The following PRUNE2 variants were observed in gnomAD, a reference collection of about 807,000 sequenced individuals.
The protein encoded by PRUNE2 is prune homolog 2 with BCH domain.
PRUNE2 carries 164 observed loss-of-function variants against 252.0 expected under a neutral mutation model. That is an observed-to-expected ratio of 0.65 (90% CI 0.57 to 0.74). PRUNE2 has a LOEUF of 0.74. PRUNE2 is among the 30% of genes least tolerant of loss of function. The pLI, the probability that PRUNE2 is intolerant of heterozygous loss-of-function variation, is 0.00. For missense variants in PRUNE2, 3,495 were observed against 3,711.0 expected (o/e 0.94, Z 1.51); for synonymous variants, 1,292 against 1,350.2 (o/e 0.96, Z 0.94).
At chr9:76,686,100 C>CCTCTTGGGGA (rs1177567855) in intron 9 of PRUNE2, among the ~76,000 whole-genome samples, 1 of 152,214 alleles carries the variant, frequency 6.6e-6, no homozygotes, top group Non-Finnish European at 1.5e-5. Context: ...GCTCTGCCAA[C>CCTCTTGGGGA]CTCTTGGGGA....
At position 76,645,032 on chromosome 9, in the gene PRUNE2, T is replaced by G. The variant is rs1844220357; in HGVS notation, c.8558-123A>C. 3 of 831,502 alleles carry G rather than the reference T, an allele frequency of 3.6e-6. No homozygotes were observed. The South Asian group carries it at 5.4e-5, about 15-fold the overall frequency. 51.5% of individuals were successfully genotyped at this position (831,502 alleles called of 1,614,324 possible). A position where few individuals can be genotyped will look rare whatever the true frequency, so the allele number is the denominator to read the frequency against. On this transcript the variant is annotated intron_variant, in intron 11 of 18. Transcript: ENST00000376718. ...GGGCAGCCTTTGTTTTGTTTCATCC[T>G]GCAGAAACAACCTGATCAAAGTCCT...
chr9:76,768,585 G>GTA (rs1026039094), intron 6 of PRUNE2, among the ~76,000 whole-genome samples: 3 of 64,094 alleles, frequency 4.7e-5, no homozygotes, highest in Non-Finnish European at 5.7e-5. Flanking sequence ...GTATATGTAT[G>GTA]TGTGTGTGTG....
In PRUNE2 at chr9:76,704,846, G is replaced by A; in HGVS notation, c.7428C>T (p.Asn2476=). ...SVYLPVGAGS[N]ILSPSNVDWE... ...AGTCAACGTTTGATGGAGACAAAAT[G>A]TTGGAGCCTGCTCCTACCGGCAAAT... Residue 2476 remains asparagine (N), a synonymous_variant, in exon 8 of 19, where the codon AAC becomes AAT. Coordinates refer to ENST00000376718, the MANE Select transcript of PRUNE2 (RefSeq NM_015225.3). The A allele has an allele frequency of 1.3e-6, 2 of 1,597,488 alleles. No homozygotes were observed. The highest frequency in any genetic ancestry group is 1.7e-6 in the Non-Finnish European group (2 of 1,170,852).
rs528184915 is a variant in PRUNE2, at chr9:76,705,121, G to C, written c.7153C>G (p.Leu2385Val). 6.2e-7 allele frequency: 1 copy of C among 1,614,014 alleles called. No homozygotes were observed. Among genetic ancestry groups the C allele is most frequent in the African/African-American group, 1.3e-5 (1 of 75,056 alleles). Residue 2385 changes from leucine (L) to valine (V), a missense_variant, in exon 8 of 19, where the codon CTG becomes GTG. By Grantham distance (32) the Leu-to-Val change is conservative. Coordinates refer to ENST00000376718, the MANE Select transcript of PRUNE2 (RefSeq NM_015225.3). The part of the protein sequence containing the change: ...GGDPPLEEDS[L>V]KQSLAPYTPP... ...GTGTACGGTGCCAGCGACTGCTTCA[G>C]AGAATCTTCCTCCAAAGGAGGGTCA...
intron 9 of PRUNE2, among the ~76,000 whole-genome samples, chr9:76,676,065 T>C (rs900400677): frequency 4.2e-5 from 6 of 144,392 alleles, no homozygotes; most frequent in African/African-American, 1.6e-4. Context: ...TAAAGTATAA[T>C]AAAAAAAAAA....
intron 9 of PRUNE2, among the ~76,000 whole-genome samples, chr9:76,660,913 A>G (rs1346017439): frequency 2.0e-5 from 3 of 152,172 alleles, no homozygotes; most frequent in African/African-American, 7.2e-5. Flanking sequence ...AGATGAGCTC[A>G]TATAAAAAAA....
chr9:76,639,594 A>T (rs1168282939), intron 12 of PRUNE2, among the ~76,000 whole-genome samples: 1 of 152,224 alleles, frequency 6.6e-6, no homozygotes, highest in South Asian at 2.1e-4. Context: ...ATTGAGTTCT[A>T]TTAAGGGGCT....
intron 1 of PRUNE2, among the ~76,000 whole-genome samples, chr9:76,877,156 G>C (rs970609846): frequency 2.0e-5 from 3 of 151,780 alleles, no homozygotes; most frequent in African/African-American, 7.3e-5. Context: ...GTATAGAAGA[G>C]GTATCCCAGG....
chr9:76,663,290 T>C (rs959978006), intron 9 of PRUNE2, among the ~76,000 whole-genome samples: 1 of 152,184 alleles, frequency 6.6e-6, no homozygotes, highest in African/African-American at 2.4e-5. Context: ...GTAAGCACTG[T>C]GGCCAGGCAG....
chr9:76,879,572 A>G (rs1465119276), intron 1 of PRUNE2, among the ~76,000 whole-genome samples: 1 of 152,106 alleles, frequency 6.6e-6, no homozygotes, highest in East Asian at 1.9e-4. Flanking sequence ...TCAAATAGAG[A>G]TGAATATTAA....
At chr9:76,661,063 T>C (rs140226207) in intron 9 of PRUNE2, among the ~76,000 whole-genome samples, 289 of 152,250 alleles carry the variant, frequency 1.9e-3, no homozygotes, top group Middle Eastern at 3.4e-3. Flanking sequence ...ATCTAAACCT[T>C]TGTTGTGTTA....
intron 16 of PRUNE2, chr9:76,624,918 G>T (rs1834015160): frequency 6.2e-6 from 4 of 640,486 alleles, no homozygotes; most frequent in Non-Finnish European, 7.6e-6. Context: ...ACAAAAGACT[G>T]ATACAGTGAC....
intron 9 of PRUNE2, among the ~76,000 whole-genome samples, chr9:76,682,570 T>C (rs1373035558): frequency 6.6e-6 from 1 of 152,086 alleles, no homozygotes; most frequent in Non-Finnish European, 1.5e-5. Flanking sequence ...TCCATGTCCA[T>C]GGTGGTCAGG....
chr9:76,778,067 C>T (rs141769356), intron 6 of PRUNE2, among the ~76,000 whole-genome samples: 112 of 152,304 alleles, frequency 7.4e-4, no homozygotes, highest in African/African-American at 2.3e-3. Context: ...ACCTTGGCTG[C>T]ACATTAGATT....
At chr9:76,846,888 G>A (rs938753710) in intron 3 of PRUNE2, among the ~76,000 whole-genome samples, 4 of 152,018 alleles carry the variant, frequency 2.6e-5, no homozygotes, top group African/African-American at 7.3e-5. Context: ...CTTAAAATAC[G>A]TACATACCTT....
rs1167893358 is a variant in PRUNE2 at position 76,614,529 on chromosome 9, C to A, written c.*41G>T. The A allele has an allele frequency of 6.4e-7, 1 of 1,569,398 alleles. No individual in the cohort carries two copies. On this transcript the variant is annotated 3_prime_UTR_variant, in exon 19 of 19. Coordinates refer to ENST00000376718, the MANE Select transcript of PRUNE2 (RefSeq NM_015225.3). ...TTCAGGTAGATATGTTTCAACAGAACCATGAACCAGAAAAGCATCCTCTTC... is the reference window on the plus strand; with the variant it reads ...TTCAGGTAGATATGTTTCAACAGAAACATGAACCAGAAAAGCATCCTCTTC...
chr9:76,656,803 C>A (rs755791071), intron 9 of PRUNE2, among the ~76,000 whole-genome samples: 3 of 152,064 alleles, frequency 2.0e-5, no homozygotes, highest in Non-Finnish European at 4.4e-5. Context: ...CTCCTGAGAC[C>A]CCTTCAAAAG....
chr9:76,731,889 TA>T (rs2048639532), intron 6 of PRUNE2, among the ~76,000 whole-genome samples: 2 of 152,216 alleles, frequency 1.3e-5, no homozygotes, highest in South Asian at 4.1e-4. Context: ...TACATTTTGT[TA>T]GTGATCAAAG....
At position 76,764,237 on chromosome 9, in the gene PRUNE2, C is replaced by CAAATAAAT. The variant is rs921843579; in HGVS notation, c.757-50524_757-50517dup. 5.7e-5 allele frequency among the ~76,000 whole-genome samples: 7 copies of CAAATAAAT among 122,654 alleles called. No homozygotes were observed. The East Asian group carries it at 1.8e-3, about 31-fold the overall frequency. 80.5% of individuals were successfully genotyped at this position (122,654 alleles called of 152,430 possible). ...TGCATGGAGGCAGAAAACAAACAAA[C>CAAATAAAT]AAATAAATAAATAAATAAATAAATA... On this transcript the variant is annotated intron_variant, in intron 6 of 18. Coordinates refer to ENST00000376718, the MANE Select transcript of PRUNE2 (RefSeq NM_015225.3).
Sources: allele counts gnomAD v4.1 joint callset (sites outside exome capture counted in the v4.1 genomes callset), GRCh38; gene constraint gnomAD v4.1.1; transcripts MANE v1.5; gene names NCBI Gene and HGNC (gene_info 2026-07-23, HGNC 2026-07-21).